The following PHF24 variants were observed in gnomAD, a reference collection of about 807,000 sequenced individuals.
The protein encoded by PHF24 is Galpha inhibitory interacting protein.
PHF24 carries 25 observed loss-of-function variants against 42.6 expected under a neutral mutation model. That is an observed-to-expected ratio of 0.59 (90% CI 0.43 to 0.82). The LOEUF is 0.82. PHF24 is among the 40% of genes least tolerant of loss of function. PHF24 has a pLI of 0.00. For synonymous variants in PHF24, 185 were observed against 204.8 expected (o/e 0.90, Z 0.83); for missense variants, 470 against 538.1 (o/e 0.87, Z 1.25).
At chr9:34,727,092 G>C in the PHF24 span, 35 of 1,461,270 alleles carry the variant, frequency 2.4e-5, no homozygotes, top group African/African-American at 4.1e-4. Context: ...TGAAAACCCT[G>C]GGGCCTATAC....
chr9:34,971,735 G>A, intron 2 of PHF24, 59 bp downstream of exon 2: 1 of 1,521,594 alleles, frequency 6.6e-7, no homozygotes, highest in Non-Finnish European at 8.8e-7. Flanking sequence ...GCAGGACAGG[G>A]AAGATGGATG....
chr9:34,923,909 G>GT, the PHF24 span, among the ~76,000 whole-genome samples: 31 of 151,084 alleles, frequency 2.1e-4, no homozygotes, highest in Non-Finnish European at 3.8e-4. Context: ...TTTATTTGAA[G>GT]TTTTTTTTAC....
chr9:34,886,748 C>CTGTCTG, the PHF24 span, among the ~76,000 whole-genome samples: 1 of 115,920 alleles, frequency 8.6e-6, no homozygotes, highest in African/African-American at 3.3e-5. Context: ...ATCTATCTAT[C>CTGTCTG]TATCTATCTG....
the PHF24 span, among the ~76,000 whole-genome samples, chr9:34,900,716 A>G: frequency 3.3e-5 from 5 of 152,218 alleles, no homozygotes; most frequent in Non-Finnish European, 7.3e-5. Context: ...TTAATCCCCA[A>G]TGTAACAGTT....
the PHF24 span, among the ~76,000 whole-genome samples, chr9:34,875,936 A>AATCTCTCT: frequency 1.1e-5 from 1 of 87,788 alleles, no homozygotes; most frequent in East Asian, 3.1e-4. Context: ...ACACACACAC[A>AATCTCTCT]CACACACACA....
the PHF24 span, among the ~76,000 whole-genome samples, chr9:34,671,025 A>C: frequency 2.4e-3 from 358 of 152,268 alleles, 2 homozygotes; most frequent in African/African-American, 8.3e-3. Flanking sequence ...CAGCTCCCCT[A>C]TCTCTCATCT....
the PHF24 span, among the ~76,000 whole-genome samples, chr9:34,718,647 A>C: frequency 6.6e-6 from 1 of 152,216 alleles, no homozygotes; most frequent in Non-Finnish European, 1.5e-5. Context: ...GCAGAGGCCC[A>C]GCCACCTCCC....
the PHF24 span, among the ~76,000 whole-genome samples, chr9:34,857,653 C>G: frequency 6.6e-6 from 1 of 152,204 alleles, no homozygotes; most frequent in Non-Finnish European, 1.5e-5. Flanking sequence ...ATGTGAAAAC[C>G]TGGGTACCTC....
the PHF24 span, among the ~76,000 whole-genome samples, chr9:34,930,720 G>T: frequency 6.6e-6 from 1 of 152,204 alleles, no homozygotes; most frequent in Non-Finnish European, 1.5e-5. Context: ...GGTCAGGGAT[G>T]TGGAGAGGAA....
At chr9:34,691,132 A>C in the PHF24 span, 1 of 1,613,386 alleles carries the variant, frequency 6.2e-7, no homozygotes, top group East Asian at 2.2e-5. Flanking sequence ...GGCCAGTAGC[A>C]GGGCCATGGA....
chr9:34,724,119 C>G, the PHF24 span: 2 of 1,534,936 alleles, frequency 1.3e-6, no homozygotes, highest in Non-Finnish European at 1.8e-6. Flanking sequence ...AGCATGGGGA[C>G]ATGGGCTGGG....
At chr9:34,689,378 C>T in the PHF24 span, among the ~76,000 whole-genome samples, 1 of 151,900 alleles carries the variant, frequency 6.6e-6, no homozygotes, top group African/African-American at 2.4e-5. This position sits in a 1 kb window ranked among gnomAD's most constrained non-coding sequence, Gnocchi z 4.1. Context: ...GCAAGGAGAC[C>T]CCCTAGGCCA....
the PHF24 span, among the ~76,000 whole-genome samples, chr9:34,943,893 G>T: frequency 6.6e-6 from 1 of 152,348 alleles, no homozygotes; most frequent in African/African-American, 2.4e-5. Context: ...CTGAACTGCA[G>T]AGGGGAGCCA....
At chr9:34,755,533 G>A in the PHF24 span, among the ~76,000 whole-genome samples, 1 of 151,986 alleles carries the variant, frequency 6.6e-6, no homozygotes, top group East Asian at 1.9e-4. Flanking sequence ...GTATATTTGA[G>A]AAATGTCTGT....
At chr9:34,756,394 T>C in the PHF24 span, among the ~76,000 whole-genome samples, 1 of 152,070 alleles carries the variant, frequency 6.6e-6, no homozygotes, top group South Asian at 2.1e-4. Context: ...CCACTGTGCC[T>C]GGCCCGATTT....
At chr9:34,729,348 AT>A in the PHF24 span, 4 of 1,551,798 alleles carry the variant, frequency 2.6e-6, no homozygotes, top group Non-Finnish European at 3.5e-6. Context: ...TTGCCAGATA[AT>A]TACAATAACG....
the PHF24 span, among the ~76,000 whole-genome samples, chr9:34,783,551 T>G: frequency 3.6e-3 from 543 of 152,318 alleles, 5 homozygotes; most frequent in African/African-American, 7.5e-3. Flanking sequence ...AGACCTGCCT[T>G]AAACTAGACT....
At chr9:34,832,731 A>T in the PHF24 span, 6 of 1,548,258 alleles carry the variant, frequency 3.9e-6, no homozygotes, top group Non-Finnish European at 4.4e-6. Flanking sequence ...CAGCCCATGT[A>T]AAACTTGGCA....
chr9:34,916,433 A>G, the PHF24 span, among the ~76,000 whole-genome samples: 1 of 152,224 alleles, frequency 6.6e-6, no homozygotes, highest in Non-Finnish European at 1.5e-5. Context: ...ATAGCTGACC[A>G]TGAGTGATAC....
Sources: gnomAD v4.1 joint callset for allele counts (sites outside exome capture counted in the v4.1 genomes callset) on GRCh38, gnomAD v4.1.1 for gene constraint, Gnocchi (gnomAD v3.1) non-coding constraint, MANE v1.5 for transcripts, NCBI Gene and HGNC (gene_info 2026-07-23, HGNC 2026-07-21) for gene names.